The following CACNA2D1 variants were observed in gnomAD, a reference collection of about 807,000 sequenced individuals.
The protein encoded by CACNA2D1 is voltage-dependent calcium channel subunit alpha-2/delta-1.
A neutral mutation model predicts 171.5 loss-of-function variants in CACNA2D1; 53 were observed. That is an observed-to-expected ratio of 0.31 (90% CI 0.25 to 0.39). The LOEUF is 0.39. Ranked by LOEUF, CACNA2D1 falls within the 10% of genes least tolerant of loss-of-function variation. The probability of loss-of-function intolerance (pLI) is 1.00; values close to 1 mark genes in which losing one functional copy is unlikely to be tolerated. For synonymous variants in CACNA2D1, 442 were observed against 443.1 expected (o/e 1.00, Z 0.03); for missense variants, 903 against 1,299.8 (o/e 0.69, Z 4.69).
chr7:81,997,382 C>T (rs1562843288), intron 18 of CACNA2D1, 132 bp from the exon 19 acceptor site: 2 of 506,556 alleles, frequency 3.9e-6, no homozygotes, highest in East Asian at 3.7e-5. Flanking sequence ...AAGGTATCTT[C>T]TTTCATATAT....
chr7:82,107,687 C>T (rs1006368076), intron 6 of CACNA2D1, among the ~76,000 whole-genome samples: 1 of 150,902 alleles, frequency 6.6e-6, no homozygotes, highest in South Asian at 2.1e-4. Context: ...AGGTTCAAGC[C>T]ATTCTCCTGC....
chr7:81,958,731 A>AAAAAGAAATTAGTACAATT (rs1793735575), intron 38 of CACNA2D1, among the ~76,000 whole-genome samples: 1 of 151,866 alleles, frequency 6.6e-6, no homozygotes, highest in Admixed American at 6.6e-5. Context: ...CAAACACTAG[A>AAAAAGAAATTAGTACAATT]AAAAGAAATT....
intron 10 of CACNA2D1, among the ~76,000 whole-genome samples, chr7:82,056,284 G>A (rs1805897908): frequency 6.6e-6 from 1 of 152,128 alleles, no homozygotes; most frequent in African/African-American, 2.4e-5. Context: ...ATGGCTGGTT[G>A]TCCAAAGTCC....
At chr7:82,082,272 A>G (rs1809892052) in intron 7 of CACNA2D1, among the ~76,000 whole-genome samples, 1 of 152,040 alleles carries the variant, frequency 6.6e-6, no homozygotes, top group Non-Finnish European at 1.5e-5. Context: ...TTCTTGTCAC[A>G]CTTCCAAGAA....
intron 6 of CACNA2D1, among the ~76,000 whole-genome samples, chr7:82,100,977 T>C (rs533952330): frequency 5.3e-5 from 8 of 152,242 alleles, no homozygotes; most frequent in Non-Finnish European, 1.2e-4. Context: ...ATTAGAATAT[T>C]TGGCAATATT....
intron 10 of CACNA2D1, among the ~76,000 whole-genome samples, chr7:82,058,901 G>A (rs537207043): frequency 7.2e-5 from 11 of 152,212 alleles, no homozygotes; most frequent in Middle Eastern, 3.4e-3. Flanking sequence ...CAGGAACCTT[G>A]CCTTATAGGT....
chr7:82,400,659 C>T (rs1156234740), intron 1 of CACNA2D1, among the ~76,000 whole-genome samples: 14 of 152,020 alleles, frequency 9.2e-5, no homozygotes, highest in Non-Finnish European at 1.8e-4. Context: ...GGACTTCATG[C>T]CTAAAACACC....
chr7:82,107,265 T>G (rs1018912957), intron 6 of CACNA2D1, among the ~76,000 whole-genome samples: 6 of 152,064 alleles, frequency 3.9e-5, no homozygotes, highest in Non-Finnish European at 7.4e-5. Context: ...GGACAGGAAG[T>G]TTTCACATAC....
chr7:82,208,843 C>G (rs1452213932), intron 3 of CACNA2D1, among the ~76,000 whole-genome samples: 3 of 151,982 alleles, frequency 2.0e-5, no homozygotes, highest in African/African-American at 7.2e-5. Flanking sequence ...GTGTTCTCAC[C>G]ATAAATGAAT....
At chr7:82,192,120 T>C (rs1798358248) in intron 3 of CACNA2D1, among the ~76,000 whole-genome samples, 1 of 151,440 alleles carries the variant, frequency 6.6e-6, no homozygotes, top group African/African-American at 2.4e-5. Flanking sequence ...ATACAGTTCC[T>C]GCCCTCAAGA....
intron 1 of CACNA2D1, among the ~76,000 whole-genome samples, chr7:82,400,132 G>A (rs895323611): frequency 2.0e-5 from 3 of 150,502 alleles, no homozygotes; most frequent in African/African-American, 4.9e-5. Flanking sequence ...AAGTCAGGTA[G>A]TGTGATGCCT....
At chr7:82,057,695 CTG>C (rs1562976428) in intron 10 of CACNA2D1, among the ~76,000 whole-genome samples, 1 of 152,000 alleles carries the variant, frequency 6.6e-6, no homozygotes, top group Non-Finnish European at 1.5e-5. Flanking sequence ...TTGGAGATAA[CTG>C]TGAATGGACA....
intron 3 of CACNA2D1, among the ~76,000 whole-genome samples, chr7:82,230,664 A>G (rs1055877467): frequency 2.6e-5 from 4 of 152,178 alleles, no homozygotes; most frequent in African/African-American, 9.7e-5. Context: ...ATTTTAAAAT[A>G]TTGCATTAAA....
At chr7:82,031,873 G>A (rs1179636263) in intron 12 of CACNA2D1, among the ~76,000 whole-genome samples, 1 of 151,918 alleles carries the variant, frequency 6.6e-6, no homozygotes, top group African/African-American at 2.4e-5. Context: ...CCAATCAGAA[G>A]CAAAGTGAAT....
intron 3 of CACNA2D1, among the ~76,000 whole-genome samples, chr7:82,297,962 A>C (rs1307656629): frequency 6.6e-6 from 1 of 152,184 alleles, no homozygotes; most frequent in Non-Finnish European, 1.5e-5. Context: ...GTAGAGTAAA[A>C]TTGAAATTTT....
At chr7:82,165,063 G>A (rs886607096) in intron 4 of CACNA2D1, among the ~76,000 whole-genome samples, 5 of 151,904 alleles carry the variant, frequency 3.3e-5, no homozygotes, top group Non-Finnish European at 7.4e-5. Flanking sequence ...GACATTGGCA[G>A]CAATCCCAGG....
chr7:82,302,644 C>T (rs190733320), intron 3 of CACNA2D1, among the ~76,000 whole-genome samples: 64 of 152,180 alleles, frequency 4.2e-4, no homozygotes, highest in Non-Finnish European at 7.2e-4. Context: ...AACTCCCGAC[C>T]GACCTCATGT....
intron 4 of CACNA2D1, among the ~76,000 whole-genome samples, chr7:82,150,257 T>TCAAAAA (rs1353886528): frequency 1.1e-5 from 1 of 92,848 alleles, no homozygotes; most frequent in Non-Finnish European, 2.3e-5. Flanking sequence ...TAGATCAAAT[T>TCAAAAA]AAAAAAAAAA....
At chr7:82,038,329 G>T in intron 10 of CACNA2D1, 94 bp from the exon 11 acceptor site, 8 of 1,057,202 alleles carry the variant, frequency 7.6e-6, no homozygotes, top group Non-Finnish European at 1.1e-5. Flanking sequence ...AAACGGTATT[G>T]CATTGCTTAC....
Sources: gnomAD v4.1 joint callset for allele counts (sites outside exome capture counted in the v4.1 genomes callset) on GRCh38, gnomAD v4.1.1 for gene constraint, MANE v1.5 for transcripts, NCBI Gene and HGNC (gene_info 2026-07-23, HGNC 2026-07-21) for gene names.